XPO7: variants seen among roughly 807,000 people sequenced by gnomAD.
XPO7 encodes the protein exportin 7.
XPO7 carries 21 observed loss-of-function variants against 144.3 expected under a neutral mutation model. The observed-to-expected ratio is 0.15, with a 90% CI of 0.10 to 0.21. The LOEUF is 0.21. XPO7 is among the 10% of genes least tolerant of loss of function. XPO7 has a pLI of 1.00. For missense variants in XPO7, 808 were observed against 1,325.8 expected, an observed-to-expected ratio of 0.61 and a Z score of 6.06; for synonymous variants, 580 against 499.6, an observed-to-expected ratio of 1.16 and a Z score of -2.15.
chr8:21,996,740 T>G (rs958503228), intron 21 of XPO7, among the ~76,000 whole-genome samples: 5 of 152,224 alleles, frequency 3.3e-5, no homozygotes, highest in African/African-American at 1.2e-4. Context: ...GGTATGGGCA[T>G]TGGTCTCTCA....
chr8:21,948,521 A>G (rs978057458), intron 1 of XPO7, among the ~76,000 whole-genome samples: 1 of 152,212 alleles, frequency 6.6e-6, no homozygotes, highest in Non-Finnish European at 1.5e-5. Flanking sequence ...ATTTCTCAGA[A>G]TGTATCCCCA....
At chr8:21,974,808 T>A in intron 6 of XPO7, 34 bp downstream of exon 6, 1 of 1,499,036 alleles carries the variant, frequency 6.7e-7, no homozygotes, top group Non-Finnish European at 9.1e-7. Context: ...TTTCCCAGTT[T>A]CTTTTGAAAG....
rs918361423 is a variant in XPO7 at position 21,927,621 on chromosome 8, C to T, written c.18+7833C>T. Among the ~76,000 whole-genome samples, 10 of 150,584 alleles carry T rather than the reference C, an allele frequency of 6.6e-5. No individual in the cohort carries two copies. In the East Asian group the frequency reaches 1.4e-3, roughly 21 times the overall value. ...AGTGCAGTGGCGCAATCTCGGCTCA[C>T]GGCAACCTCTGCCTCCCGGGTTCAA... On this transcript the variant is annotated intron_variant, in intron 1 of 27. Coordinates refer to ENST00000252512, the MANE Select transcript of XPO7 (RefSeq NM_015024.5).
chr8:21,959,937 T>C (rs1250429162), intron 1 of XPO7, among the ~76,000 whole-genome samples: 1 of 152,242 alleles, frequency 6.6e-6, no homozygotes, highest in Non-Finnish European at 1.5e-5. Context: ...ACATAGTTCC[T>C]TGTGTTTTAA....
intron 1 of XPO7, among the ~76,000 whole-genome samples, chr8:21,925,845 A>G (rs1425653602): frequency 6.6e-6 from 1 of 152,170 alleles, no homozygotes; most frequent in Non-Finnish European, 1.5e-5. Context: ...TTTATGCTCA[A>G]ACCAACATTT....
chr8:21,984,089 T>A (rs886345380), intron 11 of XPO7, among the ~76,000 whole-genome samples: 1 of 152,224 alleles, frequency 6.6e-6, no homozygotes, highest in African/African-American at 2.4e-5. Context: ...AGACCATTTG[T>A]AGTTTTTTTA....
At chr8:21,935,789 C>G (rs1171967840) in intron 1 of XPO7, among the ~76,000 whole-genome samples, 2 of 148,622 alleles carry the variant, frequency 1.3e-5, no homozygotes, top group East Asian at 2.0e-4. Context: ...TGGCCCTTCT[C>G]ATGCCCATGC....
intron 1 of XPO7, among the ~76,000 whole-genome samples, chr8:21,925,896 C>T (rs940065152): frequency 6.6e-6 from 1 of 152,196 alleles, no homozygotes; most frequent in African/African-American, 2.4e-5. Flanking sequence ...CTTCTTTACG[C>T]CTAATTTCTT....
chr8:21,968,336 T>C (rs907598047), intron 2 of XPO7, among the ~76,000 whole-genome samples: 15 of 152,236 alleles, frequency 9.9e-5, no homozygotes, highest in Non-Finnish European at 2.2e-4. Context: ...TATAATATTG[T>C]TTATACAGTA....
chr8:21,978,068 G>A (rs1307838792), intron 8 of XPO7, among the ~76,000 whole-genome samples: 7 of 141,114 alleles, frequency 5.0e-5, no homozygotes, highest in African/African-American at 2.1e-4. Context: ...CCTGCAGATG[G>A]TCAAGCTCTT....
chr8:21,975,489 C>T (rs888115379), intron 6 of XPO7, among the ~76,000 whole-genome samples: 2 of 152,182 alleles, frequency 1.3e-5, no homozygotes, highest in Admixed American at 1.3e-4. Context: ...TAGGGTTAGC[C>T]TCTGGTTTTT....
At chr8:21,934,274 C>T (rs1810750049) in intron 1 of XPO7, among the ~76,000 whole-genome samples, 1 of 152,152 alleles carries the variant, frequency 6.6e-6, no homozygotes, top group South Asian at 2.1e-4. Flanking sequence ...TGGCTCATGC[C>T]TGTAATCCCA....
chr8:21,925,669 A>G (rs1810436350), intron 1 of XPO7, among the ~76,000 whole-genome samples: 1 of 152,122 alleles, frequency 6.6e-6, no homozygotes, highest in Admixed American at 6.6e-5. Flanking sequence ...ATGCCATTTA[A>G]TTGGGAAACT....
At chr8:21,939,924 A>G (rs1810939594) in intron 1 of XPO7, among the ~76,000 whole-genome samples, 1 of 152,258 alleles carries the variant, frequency 6.6e-6, no homozygotes, top group South Asian at 2.1e-4. Flanking sequence ...TGTTAAGAAC[A>G]TTATATTTTG....
intron 1 of XPO7, among the ~76,000 whole-genome samples, chr8:21,936,249 C>G (rs1810818681): frequency 6.6e-6 from 1 of 151,970 alleles, no homozygotes; most frequent in Admixed American, 6.6e-5. Flanking sequence ...GATTAGCAGC[C>G]ATTTGTGGAT....
In XPO7 at chr8:21,965,823, A is replaced by T. The variant is rs149640893; in HGVS notation, c.19-1034A>T. ...CTGTGTAATATATTTTAGGCAATTT[A>T]CACAGGTTGGTTTAATTATTATTAT... On this transcript the variant is annotated intron_variant, in intron 1 of 27. Transcript: ENST00000252512. Among the ~76,000 whole-genome samples the T allele has an allele frequency of 3.9e-5, 6 of 152,326 alleles. No individual in the cohort carries two copies. In the East Asian group the frequency reaches 1.2e-3, roughly 29 times the overall value.
At chr8:21,977,158 T>G (rs889783443) in intron 7 of XPO7, among the ~76,000 whole-genome samples, 1 of 152,260 alleles carries the variant, frequency 6.6e-6, no homozygotes, top group Admixed American at 6.5e-5. Flanking sequence ...CTTGTTCTTA[T>G]GTTTGCCTTT....
At chr8:21,928,953 G>A (rs1810551712) in intron 1 of XPO7, among the ~76,000 whole-genome samples, 1 of 152,190 alleles carries the variant, frequency 6.6e-6, no homozygotes, top group Non-Finnish European at 1.5e-5. Context: ...TGGCCCTTTA[G>A]AGAAAACATT....
intron 1 of XPO7, among the ~76,000 whole-genome samples, chr8:21,959,832 A>G (rs965342757): frequency 2.6e-5 from 4 of 152,176 alleles, no homozygotes; most frequent in Non-Finnish European, 5.9e-5. Context: ...CCTATGAGAA[A>G]CTGAAGTTCC....
Sources: gnomAD v4.1 joint callset for allele counts (sites outside exome capture counted in the v4.1 genomes callset) on GRCh38, gnomAD v4.1.1 for gene constraint, MANE v1.5 for transcripts, NCBI Gene and HGNC (gene_info 2026-07-23, HGNC 2026-07-21) for gene names.